Variants in KCND2 observed in about 807,000 individuals in gnomAD.
KCND2 encodes the protein A-type voltage-gated potassium channel KCND2.
KCND2 carries 16 observed loss-of-function variants against 54.4 expected under a neutral mutation model. That is an observed-to-expected ratio of 0.29 (90% CI 0.20 to 0.45). The LOEUF (loss-of-function observed/expected upper bound fraction) is 0.45, where lower values mean the gene tolerates loss of function less well. KCND2 is among the 20% of genes least tolerant of loss of function. The pLI, the probability that KCND2 is intolerant of heterozygous loss-of-function variation, is 1.00. For synonymous variants in KCND2, 317 were observed against 310.7 expected (o/e 1.02, Z -0.21); for missense variants, 486 against 824.2 (o/e 0.59, Z 5.02).
intron 1 of KCND2, among the ~76,000 whole-genome samples, chr7:120,344,518 A>G (rs1245836926): frequency 6.6e-6 from 1 of 152,156 alleles, no homozygotes; most frequent in African/African-American, 2.4e-5. Context: ...TTATAAGAAG[A>G]TAATGTTGCA....
intron 1 of KCND2, among the ~76,000 whole-genome samples, chr7:120,678,397 A>G (rs1358021105): frequency 7.6e-6 from 1 of 131,804 alleles, no homozygotes. Context: ...ATATAGACAC[A>G]TACACACATA....
chr7:120,428,255 T>C (rs1801741177), intron 1 of KCND2, among the ~76,000 whole-genome samples: 1 of 152,204 alleles, frequency 6.6e-6, no homozygotes, highest in South Asian at 2.1e-4. Flanking sequence ...TAACAATACT[T>C]ACTCTTCTAT....
intron 1 of KCND2, among the ~76,000 whole-genome samples, chr7:120,423,824 C>G (rs4282509): frequency 1.1e-3 from 163 of 152,098 alleles, no homozygotes; most frequent in African/African-American, 3.5e-3. Context: ...GCTTTCTATC[C>G]AAGCCAAACT....
intron 1 of KCND2, among the ~76,000 whole-genome samples, chr7:120,598,231 AT>A (rs1294761699): frequency 2.6e-5 from 4 of 152,118 alleles, no homozygotes; most frequent in African/African-American, 9.7e-5. Flanking sequence ...TGTGTAAAAA[AT>A]CGGTAGCATC....
rs564174089 is a variant in KCND2 at position 120,335,549 on chromosome 7, C to T, written c.1115+59802C>T. ...TCGCCCAGGCTGGAGTGCAGTGGTG[C>T]GATCTTGGCTCACTGCAAGCGCCAC... On this transcript the variant is annotated intron_variant, in intron 1 of 5. Transcript: ENST00000331113. Among the ~76,000 whole-genome samples the T allele has an allele frequency of 1.1e-4, 16 of 151,024 alleles. No individual in the cohort carries two copies. The East Asian group carries it at 2.0e-3, about 19-fold the overall frequency.
At chr7:120,672,818 A>G (rs2116575489) in intron 1 of KCND2, 1 of 152,210 alleles carries the variant, frequency 6.6e-6, no homozygotes, top group East Asian at 1.9e-4. Context: ...ACCATAAAGG[A>G]GGAGCCTCAT....
chr7:120,720,287 G>C (rs1562919528), intron 1 of KCND2, among the ~76,000 whole-genome samples: 1 of 152,092 alleles, frequency 6.6e-6, no homozygotes, highest in Non-Finnish European at 1.5e-5. Flanking sequence ...TTCCAATCTG[G>C]ATAAAATGCA....
At chr7:120,457,177 A>G (rs901354001) in intron 1 of KCND2, among the ~76,000 whole-genome samples, 34 of 152,012 alleles carry the variant, frequency 2.2e-4, no homozygotes, top group African/African-American at 8.0e-4. Context: ...TTTTCCTCCT[A>G]GGCCTCTGGG....
rs6960957 is a variant in KCND2 at position 120,695,553 on chromosome 7, G to A, written c.1116-37350G>A. Among the ~76,000 whole-genome samples the A allele has an allele frequency of 4.4e-3, 667 of 152,234 alleles. 5 individuals are homozygous for A. The highest frequency in any genetic ancestry group is 0.015 in the African/African-American group (640 of 41,546). On this transcript the variant is annotated intron_variant, in intron 1 of 5. Transcript: ENST00000331113. ...GAGTAATTGGGTTAGATTTAAATTA[G>A]TGTGTTTTTAGTAATCCTCAAATGT...
intron 1 of KCND2, among the ~76,000 whole-genome samples, chr7:120,634,078 C>CT (rs1300515516): frequency 1.4e-4 from 21 of 152,026 alleles, no homozygotes; most frequent in Admixed American, 1.4e-3. Flanking sequence ...TTTATAGAAT[C>CT]TTTTTTCATT....
chr7:120,439,735 C>T (rs1801922432), intron 1 of KCND2, among the ~76,000 whole-genome samples: 1 of 152,068 alleles, frequency 6.6e-6, no homozygotes, highest in South Asian at 2.1e-4. Flanking sequence ...TTATCTCCCA[C>T]ATATGAATGA....
Position 120,742,547 on chromosome 7 carries a change from G to A in KCND2, c.1412G>A (p.Gly471Asp), listed in dbSNP as rs556564290. ...GAGCAGGCTTTTGTTAGCAAATCCG[G>A]CTCCAGCTTTGAAACCCAGCACCAC... Reference protein sequence around the residue: ...EDEQAFVSKSGSSFETQHHHL... With the variant: ...EDEQAFVSKSDSSFETQHHHL... Residue 471 changes from glycine to aspartate, a missense_variant, in exon 4 of 6, where the codon GGC (glycine) becomes GAC (aspartate). Around this residue, in one of 7 missense-constraint regions of KCND2, gnomAD observed 202 missense variants for 252.7 expected, o/e 0.80. Coordinates refer to ENST00000331113, the MANE Select transcript of KCND2 (RefSeq NM_012281.3). 3 of 1,613,584 alleles carry A rather than the reference G, an allele frequency of 1.9e-6. No homozygotes were observed. In the East Asian group the frequency reaches 6.7e-5, roughly 36 times the overall value.
intron 1 of KCND2, among the ~76,000 whole-genome samples, chr7:120,590,407 C>A (rs1257014603): frequency 2.0e-5 from 3 of 152,076 alleles, no homozygotes; most frequent in African/African-American, 4.8e-5. Flanking sequence ...AAATTGCATG[C>A]CCCAAATCCC....
chr7:120,586,839 A>G (rs17142838), intron 1 of KCND2, among the ~76,000 whole-genome samples: 12,944 of 152,150 alleles, frequency 0.085, 633 homozygotes, highest in South Asian at 0.09. Context: ...TTACTTTTCA[A>G]GTCCCTTCAA....
intron 1 of KCND2, among the ~76,000 whole-genome samples, chr7:120,725,246 C>T (rs1298207246): frequency 1.3e-5 from 2 of 152,106 alleles, no homozygotes; most frequent in Non-Finnish European, 2.9e-5. Context: ...TTTCTATACA[C>T]AAATCTTAAT....
intron 1 of KCND2, among the ~76,000 whole-genome samples, chr7:120,708,101 G>GT (rs1203513825): frequency 6.6e-6 from 1 of 152,088 alleles, no homozygotes; most frequent in African/African-American, 2.4e-5. Flanking sequence ...AAAAACAAAA[G>GT]TGACAACTCA....
chr7:120,681,845 C>T (rs764877487), intron 1 of KCND2, among the ~76,000 whole-genome samples: 14 of 151,780 alleles, frequency 9.2e-5, no homozygotes, highest in African/African-American at 1.2e-4. Context: ...ACCGAATGTC[C>T]ATATAAAATG....
intron 1 of KCND2, among the ~76,000 whole-genome samples, chr7:120,556,696 G>C (rs780648506): frequency 6.6e-6 from 1 of 152,074 alleles, no homozygotes; most frequent in Non-Finnish European, 1.5e-5. Context: ...TGTGAAGAGA[G>C]AGTATTTATT....
intron 1 of KCND2, among the ~76,000 whole-genome samples, chr7:120,404,513 A>G (rs910701158): frequency 3.3e-5 from 5 of 152,168 alleles, no homozygotes; most frequent in African/African-American, 4.8e-5. Flanking sequence ...AGAAAAATTC[A>G]TAGATTTGCA....
Sources: gnomAD v4.1 joint callset for allele counts (sites outside exome capture counted in the v4.1 genomes callset) on GRCh38, gnomAD v4.1.1 for gene constraint, gnomAD v4.1.1 regional missense constraint, MANE v1.5 for transcripts, NCBI Gene and HGNC (gene_info 2026-07-23, HGNC 2026-07-21) for gene names.